UBR3: variants seen among roughly 807,000 people sequenced by gnomAD.
UBR3 encodes E3 ubiquitin-protein ligase UBR3.
UBR3 carries 85 observed loss-of-function variants against 243.2 expected under a neutral mutation model. The observed-to-expected ratio is 0.35, with a 90% confidence interval of 0.29 to 0.42. The LOEUF (loss-of-function observed/expected upper bound fraction) is 0.42, where lower values mean the gene tolerates loss of function less well. UBR3 is among the 10% of genes least tolerant of loss of function. UBR3 has a pLI of 1.00. For missense variants in UBR3, 1,686 were observed against 2,300.8 expected (o/e 0.73, Z 5.47); for synonymous variants, 748 against 799.8 (o/e 0.94, Z 1.09).
chr2:170,035,505 T>C (rs2090801818), intron 31 of UBR3, among the ~76,000 whole-genome samples: 1 of 152,038 alleles, frequency 6.6e-6, no homozygotes, highest in South Asian at 2.1e-4. Flanking sequence ...CTCTCTGTTC[T>C]GTTCCATTGA....
intron 30 of UBR3, among the ~76,000 whole-genome samples, chr2:170,022,055 CT>C (rs1305316950): frequency 1.3e-5 from 2 of 152,092 alleles, no homozygotes; most frequent in Non-Finnish European, 2.9e-5. Context: ...GAATGTGCCT[CT>C]TTAGTAAAGA....
Position 169,926,857 on chromosome 2 carries a change from T to C in UBR3, c.2224T>C (p.Leu742=), listed in dbSNP as rs774397551. The part of the protein sequence containing the change: ...VFERFKVVDL[L]TMASQHQNTV... The stretch of plus-strand genomic sequence containing the variant: ...TTGTAGATTTAAGGTAGTGGATTTG[T>C]TGACAATGGCATCACAACATCAAAA... The change falls in exon 16 of 39, where the codon TTG becomes CTG. Residue 742 remains leucine, a synonymous_variant. Coordinates refer to ENST00000272793, the MANE Select transcript of UBR3 (RefSeq NM_172070.4). 39 of 1,549,438 alleles carry C rather than the reference T, an allele frequency of 2.5e-5. No homozygotes were observed. Among genetic ancestry groups the C allele is most frequent in the Non-Finnish European group, 3.1e-5 (35 of 1,145,634 alleles).
At chr2:169,924,585 T>C (rs1644525287) in intron 13 of UBR3, among the ~76,000 whole-genome samples, 1 of 152,228 alleles carries the variant, frequency 6.6e-6, no homozygotes, top group Non-Finnish European at 1.5e-5. Flanking sequence ...ATATAAGCAC[T>C]GTGATTTCTT....
At chr2:169,884,395 G>A (rs973507018) in intron 5 of UBR3, among the ~76,000 whole-genome samples, 2 of 152,084 alleles carry the variant, frequency 1.3e-5, no homozygotes, top group African/African-American at 2.4e-5. Flanking sequence ...CTCGTAATCT[G>A]CCCTGGCCTC....
At chr2:169,962,632 T>G in intron 24 of UBR3, among the ~76,000 whole-genome samples, 1 of 152,238 alleles carries the variant, frequency 6.6e-6, no homozygotes, top group Middle Eastern at 3.2e-3. Context: ...TTTTATCTTT[T>G]ATATCATTTG....
At chr2:169,927,732 A>G (rs1240313189) in intron 17 of UBR3, among the ~76,000 whole-genome samples, 1 of 152,310 alleles carries the variant, frequency 6.6e-6, no homozygotes, top group African/African-American at 2.4e-5. Context: ...AGCTAGGTCC[A>G]TTTTGTCTGT....
chr2:169,958,155 T>C (rs2087399422), intron 23 of UBR3, among the ~76,000 whole-genome samples: 1 of 152,250 alleles, frequency 6.6e-6, no homozygotes, highest in Admixed American at 6.5e-5. Flanking sequence ...ACTTGTGTTA[T>C]TGGAAATCCA....
At chr2:170,045,862 A>G (rs982715843) in intron 32 of UBR3, among the ~76,000 whole-genome samples, 1 of 152,152 alleles carries the variant, frequency 6.6e-6, no homozygotes, top group Non-Finnish European at 1.5e-5. Context: ...GGATTCTTAA[A>G]ATAATTTTAA....
In UBR3 at chr2:169,895,249, T is replaced by C; in HGVS notation, c.1174T>C (p.Tyr392His). 6.5e-7 allele frequency: 1 copy of C among 1,546,902 alleles called. No individual in the cohort carries two copies. The highest frequency in any genetic ancestry group is 8.7e-7 in the Non-Finnish European group (1 of 1,145,690). Reference protein sequence around the residue: ...LEELLFWTIKYEFPQKMVTFL... With the variant: ...LEELLFWTIKHEFPQKMVTFL... ...AGAACTATTATTTTGGACTATAAAATATGAATTCCCTCAAAAGATGGTAAC... is the reference window on the plus strand; with the variant it reads ...AGAACTATTATTTTGGACTATAAAACATGAATTCCCTCAAAAGATGGTAAC... The change falls in exon 7 of 39, where the codon TAT becomes CAT. Residue 392 changes from tyrosine (Y) to histidine (H), a missense_variant. By Grantham distance (83) the Tyr-to-His change is moderately conservative (BLOSUM62 2). Around this residue, in one of 8 missense-constraint regions of UBR3, gnomAD observed 200 missense variants for 231.6 expected, o/e 0.86. Coordinates refer to ENST00000272793, the MANE Select transcript of UBR3 (RefSeq NM_172070.4).
chr2:169,849,646 A>G (rs1214617413), intron 1 of UBR3, among the ~76,000 whole-genome samples: 2 of 152,188 alleles, frequency 1.3e-5, no homozygotes, highest in Non-Finnish European at 2.9e-5. Context: ...TTGGTCAGAT[A>G]CTGTTAAGTC....
intron 19 of UBR3, among the ~76,000 whole-genome samples, chr2:169,935,483 G>A (rs1422689194): frequency 6.6e-6 from 1 of 152,206 alleles, no homozygotes; most frequent in Non-Finnish European, 1.5e-5. Flanking sequence ...ATGTCTGACA[G>A]TGGCAGTGTT....
chr2:169,952,549 G>T (rs1237341321), intron 23 of UBR3, among the ~76,000 whole-genome samples: 2 of 152,090 alleles, frequency 1.3e-5, no homozygotes, highest in Non-Finnish European at 2.9e-5. Context: ...ATAAAAATTA[G>T]CTGGGCGTGG....
chr2:169,977,950 C>G (rs978422496), intron 24 of UBR3, among the ~76,000 whole-genome samples: 1 of 152,106 alleles, frequency 6.6e-6, no homozygotes, highest in African/African-American at 2.4e-5. Flanking sequence ...CCTAGATTGG[C>G]TTTTGTAGAG....
chr2:169,827,580 G>A lies in UBR3; in HGVS notation c.73G>A (p.Ala25Thr). ...SQPELPAPGL[A>T]LDKAATAAHL... is the part of the protein sequence containing the mutation. ...GCCCGAGCTGCCCGCGCCGGGGCTG[G>A]CCCTAGACAAGGCGGCCACCGCCGC... Residue 25 changes from alanine to threonine, a missense_variant, in exon 1 of 39, where the codon GCC (alanine) becomes ACC (threonine). Coordinates refer to ENST00000272793, the MANE Select transcript of UBR3 (RefSeq NM_172070.4). The A allele has an allele frequency of 8.0e-7, 1 of 1,250,954 alleles. No homozygotes were observed. Among genetic ancestry groups the A allele is most frequent in the East Asian group, 3.2e-5 (1 of 31,396 alleles). The allele number at this position is 1,250,954 out of a possible 1,614,324, so 77.5% of individuals were successfully genotyped here.
At chr2:169,916,702 C>T (rs1407702929) in intron 11 of UBR3, among the ~76,000 whole-genome samples, 2 of 152,078 alleles carry the variant, frequency 1.3e-5, no homozygotes, top group African/African-American at 4.8e-5. Flanking sequence ...TATTGTTGCC[C>T]TCCTTACCTC....
At chr2:169,876,480 C>T (rs370898494) in intron 3 of UBR3, among the ~76,000 whole-genome samples, 7 of 151,986 alleles carry the variant, frequency 4.6e-5, no homozygotes, top group African/African-American at 1.7e-4. Flanking sequence ...GGTACTGGAA[C>T]CTAGGTCTCC....
intron 19 of UBR3, among the ~76,000 whole-genome samples, chr2:169,937,025 G>A (rs1411210174): frequency 1.3e-5 from 2 of 152,102 alleles, no homozygotes; most frequent in African/African-American, 4.8e-5. Context: ...ATAACCCTTT[G>A]GGTATATACC....
chr2:169,968,101 A>G (rs11695282), intron 24 of UBR3, among the ~76,000 whole-genome samples: 1 of 152,146 alleles, frequency 6.6e-6, no homozygotes, highest in East Asian at 1.9e-4. Context: ...TAATAACTAC[A>G]TATTTATGAG....
chr2:169,889,639 T>C (rs1356073496), intron 5 of UBR3, among the ~76,000 whole-genome samples: 1 of 152,184 alleles, frequency 6.6e-6, no homozygotes, highest in Non-Finnish European at 1.5e-5. Context: ...TTCTGTTGCC[T>C]GGTGGATGGC....
Sources: gnomAD v4.1 joint callset for allele counts (sites outside exome capture counted in the v4.1 genomes callset) on GRCh38, gnomAD v4.1.1 for gene constraint, gnomAD v4.1.1 regional missense constraint, MANE v1.5 for transcripts, NCBI Gene and HGNC (gene_info 2026-07-23, HGNC 2026-07-21) for gene names.